Variants in IL27 observed in about 807,000 individuals in gnomAD.
The protein encoded by IL27 is interleukin 27, also known as interleukin-27 subunit alpha.
Under a neutral mutation model 27.0 loss-of-function variants are expected in IL27, and 11 were observed. The ratio of observed to expected loss-of-function variants is 0.41; its 90% CI spans 0.26 to 0.67. IL27 has a LOEUF of 0.67. IL27 is among the 30% of genes least tolerant of loss of function. The probability of loss-of-function intolerance (pLI) is 0.34; values close to 1 mark genes in which losing one functional copy is unlikely to be tolerated. For missense variants in IL27, 299 were observed against 310.4 expected (o/e 0.96, Z 0.28); for synonymous variants, 134 against 140.6 (o/e 0.95, Z 0.33).
At chr16:28,500,176 G>A (rs1001569616) in intron 4 of IL27, among the ~76,000 whole-genome samples, 27 of 152,226 alleles carry the variant, frequency 1.8e-4, no homozygotes, top group African/African-American at 2.9e-4. Context: ...GCCCCGAGGC[G>A]TGGGGTTCAG....
In IL27 at chr16:28,499,821, C is replaced by T. The variant is rs369449099; in HGVS notation, c.562G>A (p.Ala188Thr). ...KGLLPGALGS[A>T]LQGPAQVSWP... The stretch of plus-strand genomic sequence containing the variant: ...GACACCTGGGCCGGGCCCTGTAAGG[C>T]GCTGCCCAGTGCCCCTGGGAGCAGC... Residue 188 changes from alanine (A) to threonine (T), a missense_variant, in exon 5 of 5, where the codon GCC becomes ACC. Coordinates refer to ENST00000356897, the MANE Select transcript of IL27 (RefSeq NM_145659.3). 17 of 1,590,782 alleles carry T rather than the reference C, an allele frequency of 1.1e-5. No individual in the cohort carries two copies. The African/African-American group carries it at 1.6e-4, about 15-fold the overall frequency.
At chr16:28,501,350 T>C (rs1386868301) in intron 4 of IL27, among the ~76,000 whole-genome samples, 1 of 148,014 alleles carries the variant, frequency 6.8e-6, no homozygotes, top group African/African-American at 2.5e-5. Flanking sequence ...ACTCTTACAC[T>C]CACAGTCCCA....
intron 4 of IL27, 112 bp downstream of exon 4, chr16:28,501,864 G>C: frequency 7.8e-7 from 1 of 1,290,308 alleles, no homozygotes. Flanking sequence ...TGGACACTCA[G>C]TCACACTCAC....
At position 28,499,471 on chromosome 16, in the gene IL27, T is replaced by C; in HGVS notation, c.*180A>G. On this transcript the variant is annotated 3_prime_UTR_variant, in exon 5 of 5. Coordinates refer to ENST00000356897, the MANE Select transcript of IL27 (RefSeq NM_145659.3). The stretch of plus-strand genomic sequence containing the variant: ...CATCTCCCTAAACAATAAATAAATA[T>C]CCAAGAAATAAATAGCTGGCGAGGA... The C allele has an allele frequency of 1.7e-6, 1 of 572,738 alleles. No homozygotes were observed. The highest frequency in any genetic ancestry group is 2.8e-5 in the East Asian group (1 of 36,000). The allele number at this position is 572,738 out of a possible 1,614,324, so 35.5% of individuals were successfully genotyped here.
In IL27 at chr16:28,506,616, C is replaced by A. The variant is rs144648501; in HGVS notation, c.31+165G>T. On this transcript the variant is annotated intron_variant, in intron 1 of 4. Coordinates refer to ENST00000356897, the MANE Select transcript of IL27 (RefSeq NM_145659.3). ...AGACCACCACCCCACTGCCCCAGGC[C>A]CCCACCCAGTCATGCCAGCCTCCCT... Among the ~76,000 whole-genome samples the A allele has an allele frequency of 2.4e-3, 372 of 152,216 alleles. 1 individual carries two copies. The highest frequency in any genetic ancestry group is 8.0e-3 in the African/African-American group (332 of 41,524).
chr16:28,506,505 A>C (rs1454646213), intron 1 of IL27, among the ~76,000 whole-genome samples: 2 of 151,940 alleles, frequency 1.3e-5, no homozygotes, highest in Non-Finnish European at 2.9e-5. Flanking sequence ...ATCTGCCTAG[A>C]CCTGGTCCTT....
Position 28,503,999 on chromosome 16 carries a change from C to A in IL27, c.83G>T (p.Gly28Val), listed in dbSNP as rs1443399773. ...PLLLVQAGVW[G>V]FPRPPGRPQL... Reference sequence around the variant, plus strand: ...GGGCCTCCCTGGGGGCCTTGGGAATCCCCAGACACCAGCTTGAACCAGGAG... The same window carrying A: ...GGGCCTCCCTGGGGGCCTTGGGAATACCCAGACACCAGCTTGAACCAGGAG... The change falls in exon 2 of 5, where the codon GGA becomes GTA. Residue 28 changes from glycine to valine, a missense_variant. Transcript: ENST00000356897. 3 of 1,613,382 alleles carry A rather than the reference C, an allele frequency of 1.9e-6. No individual in the cohort carries two copies. The African/African-American group carries it at 4.0e-5, about 22-fold the overall frequency.
At position 28,502,079 on chromosome 16, in the gene IL27, A is replaced by C; in HGVS notation, c.359T>G (p.Leu120Arg). The change falls in exon 4 of 5, where the codon CTG (leucine) becomes CGG (arginine). Residue 120 changes from leucine (L) to arginine (R), a missense_variant. By Grantham distance (102) the Leu-to-Arg change is moderately radical (BLOSUM62 -2). Transcript: ENST00000356897. ...STTLQPFHAL[L>R]GGLGTQGRWT... ...GCGGCCCTGGGTCCCCAGCCCTCCC[A>C]GCAGGGCATGGAAGGGCTGAAGCGT... is the stretch of plus-strand genomic sequence containing the variant. 6.2e-7 allele frequency: 1 copy of C among 1,613,578 alleles called. No homozygotes were observed. The highest frequency in any genetic ancestry group is 8.5e-7 in the Non-Finnish European group (1 of 1,179,794).
intron 1 of IL27, among the ~76,000 whole-genome samples, chr16:28,505,651 CTG>C (rs1180008211): frequency 6.6e-6 from 1 of 152,126 alleles, no homozygotes; most frequent in Admixed American, 6.6e-5. Flanking sequence ...GCTTCCTGAC[CTG>C]TGTTTTCCTG....
intron 1 of IL27, among the ~76,000 whole-genome samples, chr16:28,506,038 G>A (rs535278474): frequency 1.3e-5 from 2 of 152,244 alleles, no homozygotes; most frequent in African/African-American, 4.8e-5. Context: ...GGCAGAGTGG[G>A]GTTCTTCCTA....
Position 28,499,743 on chromosome 16 carries a change from A to G in IL27, c.640T>C (p.Leu214=). The part of the protein sequence containing the change: ...YRLLHSLELV[L]SRAVRELLLL... ...AGCAACTCCCGCACGGCCCGAGATA[A>G]GACGAGCTCCAAGGAGTGCAGCAGG... The change falls in exon 5 of 5, where the codon TTA becomes CTA. Residue 214 remains leucine (L), a synonymous_variant. Transcript: ENST00000356897. 6.2e-7 allele frequency: 1 copy of G among 1,613,492 alleles called. No homozygotes were observed. Among genetic ancestry groups the G allele is most frequent in the Non-Finnish European group, 8.5e-7 (1 of 1,179,806 alleles).
At position 28,502,014 on chromosome 16, in the gene IL27, G is replaced by T; in HGVS notation, c.424C>A (p.Leu142Met). 6.2e-7 allele frequency: 1 copy of T among 1,611,808 alleles called. No individual in the cohort carries two copies. The highest frequency in any genetic ancestry group is 8.5e-7 in the Non-Finnish European group (1 of 1,179,906). Residue 142 changes from leucine to methionine, a missense_variant, in exon 4 of 5, where the codon CTG becomes ATG. Leu to Met is a conservative substitution (Grantham distance 15, BLOSUM62 2). Coordinates refer to ENST00000356897, the MANE Select transcript of IL27 (RefSeq NM_145659.3). ...MERMQLWAMR[L>M]DLRDLQRHLR... is the part of the protein sequence containing the mutation. ...TGCCGCTGCAGATCGCGGAGGTCCAGCCTCATGGCCCACAGCTGCATCCTC... is the reference window on the plus strand; with the variant it reads ...TGCCGCTGCAGATCGCGGAGGTCCATCCTCATGGCCCACAGCTGCATCCTC...
chr16:28,504,974 ATTG>A lies in IL27; in HGVS notation c.32-927_32-925del, dbSNP rs1252669146. Among the ~76,000 whole-genome samples the A allele has an allele frequency of 1.4e-4, 21 of 152,296 alleles. No individual in the cohort carries two copies. In the South Asian group the frequency reaches 4.3e-3, roughly 32 times the overall value. On this transcript the variant is annotated intron_variant, in intron 1 of 4. Transcript: ENST00000356897. ...AACCACGTGTGGCAGCCTCAGTGCT[ATTG>A]TTCTCCCCAATTTGCAGGTGAGGCT...
Position 28,499,547 on chromosome 16 carries a change from A to G in IL27, c.*104T>C. ...AGAGCCTGGGGCAGGGGGCTGGAAG[A>G]GCCCTCCCTTGTCCAAGGCTGATGA... is the stretch of plus-strand genomic sequence containing the variant. On this transcript the variant is annotated 3_prime_UTR_variant, in exon 5 of 5. Coordinates refer to ENST00000356897, the MANE Select transcript of IL27 (RefSeq NM_145659.3). 4.8e-6 allele frequency: 4 copies of G among 834,576 alleles called. No homozygotes were observed. The highest frequency in any genetic ancestry group is 5.2e-5 in the Admixed American group (2 of 38,504). The allele number at this position is 834,576 out of a possible 1,614,324, so 51.7% of individuals were successfully genotyped here.
chr16:28,503,076 C>T (rs901013540), intron 3 of IL27, among the ~76,000 whole-genome samples: 1 of 152,206 alleles, frequency 6.6e-6, no homozygotes, highest in African/African-American at 2.4e-5. Flanking sequence ...CCCACATCAG[C>T]CTCCCACAGT....
At position 28,503,795 on chromosome 16, in the gene IL27, T is replaced by C; in HGVS notation, c.205-2A>G. On this transcript the variant is annotated splice_acceptor_variant, in intron 2 of 4. Coordinates refer to ENST00000356897, the MANE Select transcript of IL27 (RefSeq NM_145659.3). LOFTEE classifies it high-confidence loss of function. ...CACTCCTGGCAGGTGAGATTCCGCC[T>C]GGGGGGCAAGGTCTGTTAGTGGGGG... 6 of 1,612,628 alleles carry C rather than the reference T, an allele frequency of 3.7e-6. No homozygotes were observed. The highest frequency in any genetic ancestry group is 5.1e-6 in the Non-Finnish European group (6 of 1,179,192).
chr16:28,501,950 G>C, intron 4 of IL27, 26 bp downstream of exon 4: 1 of 1,593,314 alleles, frequency 6.3e-7, no homozygotes, highest in Non-Finnish European at 8.5e-7. Flanking sequence ...CGTGGTCTGG[G>C]GTGGTGGAGG....
rs758561861 is a variant in IL27, at chr16:28,499,670, GT to G, written c.712del (p.Thr238HisfsTer2). The G allele has an allele frequency of 2.5e-6, 4 of 1,612,590 alleles. No homozygotes were observed. The highest frequency in any genetic ancestry group is 3.4e-6 in the Non-Finnish European group (4 of 1,179,444). Reference sequence around the variant, plus strand: ...CACCGATCAGGGCTGGGGGCTCAATGTTGGGAACCCCAAGGGCCAGACTGAG... The same window carrying G: ...CACCGATCAGGGCTGGGGGCTCAATGTGGGAACCCCAAGGGCCAGACTGAG... Reference protein sequence around the residue: ...GHSVWPLGFPTLSPQP With the variant: ...GHSVWPLGFPXLSPQP On this transcript the variant is annotated frameshift_variant, in exon 5 of 5. Coordinates refer to ENST00000356897, the MANE Select transcript of IL27 (RefSeq NM_145659.3). LOFTEE classifies it high-confidence loss of function.
chr16:28,505,352 T>C (rs1284933770), intron 1 of IL27, among the ~76,000 whole-genome samples: 1 of 152,062 alleles, frequency 6.6e-6, no homozygotes, highest in Non-Finnish European at 1.5e-5. Flanking sequence ...CTTTTTTTTT[T>C]TTAAGACAGA....
Sources: allele counts gnomAD v4.1 joint callset (sites outside exome capture counted in the v4.1 genomes callset), GRCh38; gene constraint gnomAD v4.1.1; transcripts MANE v1.5; gene names NCBI Gene and HGNC (gene_info 2026-07-23, HGNC 2026-07-21).